The following CAMTA1 variants were observed in gnomAD, a reference collection of about 807,000 sequenced individuals.
CAMTA1 encodes calmodulin-binding transcription activator 1.
In CAMTA1, 27 loss-of-function variants were observed where a neutral mutation model predicts 170.9. The ratio of observed to expected loss-of-function variants is 0.16; its 90% CI spans 0.12 to 0.22. The LOEUF (loss-of-function observed/expected upper bound fraction) is 0.22, where lower values mean the gene tolerates loss of function less well. Ranked by LOEUF, CAMTA1 falls within the 10% of genes least tolerant of loss-of-function variation. The probability of loss-of-function intolerance (pLI) is 1.00; values close to 1 mark genes in which losing one functional copy is unlikely to be tolerated. For missense variants in CAMTA1, 1,619 were observed against 2,217.2 expected (o/e 0.73, Z 5.42); for synonymous variants, 833 against 891.5 (o/e 0.93, Z 1.17).
intron 4 of CAMTA1, among the ~76,000 whole-genome samples, chr1:7,181,061 A>G (rs1221012710): frequency 6.6e-6 from 1 of 152,190 alleles, no homozygotes; most frequent in African/African-American, 2.4e-5. Flanking sequence ...CCATGACCAA[A>G]TGGTGTCTTT....
intron 3 of CAMTA1, among the ~76,000 whole-genome samples, chr1:6,909,843 T>A (rs1231410752): frequency 1.3e-5 from 2 of 152,222 alleles, no homozygotes; most frequent in African/African-American, 4.8e-5. Flanking sequence ...CAGGCTCAGC[T>A]CTAAGCAAGG....
chr1:7,107,445 G>A (rs1181636322), intron 4 of CAMTA1, among the ~76,000 whole-genome samples: 1 of 152,102 alleles, frequency 6.6e-6, no homozygotes, highest in Non-Finnish European at 1.5e-5. Context: ...GGTGGGGAAC[G>A]GCATGCCCTG....
chr1:7,281,505 T>C (rs1574409393), intron 5 of CAMTA1, among the ~76,000 whole-genome samples: 1 of 152,222 alleles, frequency 6.6e-6, no homozygotes, highest in East Asian at 1.9e-4. Context: ...AGCAGCAAAG[T>C]AGGAAAACAA....
Position 7,463,683 on chromosome 1 carries a change from T to C in CAMTA1, c.439-4147T>C, listed in dbSNP as rs1396594119. 1.3e-5 allele frequency among the ~76,000 whole-genome samples: 2 copies of C among 149,324 alleles called. No homozygotes were observed. The highest frequency in any genetic ancestry group is 5.0e-5 in the African/African-American group (2 of 40,398). On this transcript the variant is annotated intron_variant, in intron 5 of 22. Coordinates refer to ENST00000303635, the MANE Select transcript of CAMTA1 (RefSeq NM_015215.4). This position sits in a 1 kb window ranked among gnomAD's most constrained non-coding sequence, Gnocchi z 4.7. ...GGAAGAGAGAAACAGATGGTGGGAG[T>C]AGGTGGGGGCAGAAATCTGCTGCGT...
chr1:7,331,567 G>A (rs1437686797), intron 5 of CAMTA1, among the ~76,000 whole-genome samples: 2 of 152,174 alleles, frequency 1.3e-5, no homozygotes, highest in South Asian at 2.1e-4. Flanking sequence ...ATCCAGTGGC[G>A]TCTGGAAAAT....
intron 5 of CAMTA1, among the ~76,000 whole-genome samples, chr1:7,316,037 AG>A (rs1246587388): frequency 2.0e-5 from 3 of 152,236 alleles, no homozygotes; most frequent in African/African-American, 7.2e-5. Flanking sequence ...ACATGGTGGC[AG>A]GAGAGAGAAG....
At chr1:6,802,592 A>G (rs758589837) in intron 1 of CAMTA1, among the ~76,000 whole-genome samples, 1 of 152,230 alleles carries the variant, frequency 6.6e-6, no homozygotes, top group African/African-American at 2.4e-5. Flanking sequence ...TTATGTTCAG[A>G]TGCTATAGAG....
intron 3 of CAMTA1, among the ~76,000 whole-genome samples, chr1:7,024,389 A>G (rs1701778388): frequency 6.6e-6 from 1 of 152,252 alleles, no homozygotes; most frequent in African/African-American, 2.4e-5. Flanking sequence ...GAAAACAGCG[A>G]CAGTGAGACC....
intron 4 of CAMTA1, among the ~76,000 whole-genome samples, chr1:7,135,481 C>G (rs1327058276): frequency 6.6e-6 from 1 of 152,136 alleles, no homozygotes; most frequent in African/African-American, 2.4e-5. Flanking sequence ...GGTAGGGATG[C>G]AAATTAGTTC....
chr1:7,472,709 T>G (rs1335421646), intron 6 of CAMTA1, among the ~76,000 whole-genome samples: 3 of 152,128 alleles, frequency 2.0e-5, no homozygotes, highest in Admixed American at 2.0e-4. Flanking sequence ...TTGCCAGCCC[T>G]GGGTCCCCCT....
intron 5 of CAMTA1, chr1:7,370,168 A>G (rs1395455785): frequency 1.3e-5 from 2 of 152,392 alleles, no homozygotes; most frequent in Admixed American, 1.3e-4. Flanking sequence ...GGTCCACCCA[A>G]CAACAGCAGC....
intron 22 of CAMTA1, among the ~76,000 whole-genome samples, chr1:7,765,017 T>A (rs2097008344): frequency 6.6e-6 from 1 of 152,132 alleles, no homozygotes; most frequent in Non-Finnish European, 1.5e-5. Context: ...GAGAGCCTCT[T>A]AGAGAATCAG....
At chr1:7,611,611 C>T (rs538546344) in intron 6 of CAMTA1, among the ~76,000 whole-genome samples, 1 of 152,208 alleles carries the variant, frequency 6.6e-6, no homozygotes, top group South Asian at 2.1e-4. Flanking sequence ...TGCTGGGGGG[C>T]CAAGCTTGCC....
chr1:6,860,171 C>G (rs1664122620), intron 3 of CAMTA1, among the ~76,000 whole-genome samples: 1 of 152,036 alleles, frequency 6.6e-6, no homozygotes, highest in African/African-American at 2.4e-5. Flanking sequence ...TCATTATGTC[C>G]TCATGCCAAT....
Position 7,741,254 on chromosome 1 carries a change from A to G in CAMTA1, c.4182+2772A>G, listed in dbSNP as rs188539592. 5.1e-4 allele frequency among the ~76,000 whole-genome samples: 77 copies of G among 152,254 alleles called. No individual in the cohort carries two copies. The Middle Eastern group carries it at 0.01, about 20-fold the overall frequency. Reference sequence around the variant, plus strand: ...TGATATAGATAGATGTGCGCTGGATAGGCTGAAATATGCTAGTTAGAAATG... The same window carrying G: ...TGATATAGATAGATGTGCGCTGGATGGGCTGAAATATGCTAGTTAGAAATG... On this transcript the variant is annotated intron_variant, in intron 16 of 22. Transcript: ENST00000303635.
At chr1:7,636,653 G>A (rs1291427634) in intron 6 of CAMTA1, among the ~76,000 whole-genome samples, 1 of 151,662 alleles carries the variant, frequency 6.6e-6, no homozygotes, top group East Asian at 2.0e-4. Flanking sequence ...AGGTTGCAGT[G>A]AGCCGAGATC....
intron 3 of CAMTA1, among the ~76,000 whole-genome samples, chr1:6,942,986 G>A (rs1686914311): frequency 6.6e-6 from 1 of 152,204 alleles, no homozygotes; most frequent in East Asian, 1.9e-4. Flanking sequence ...AGAGGCCCCG[G>A]CTCCAGCTTC....
chr1:7,024,105 G>A (rs1275743842), intron 3 of CAMTA1, among the ~76,000 whole-genome samples: 1 of 151,778 alleles, frequency 6.6e-6, no homozygotes. Flanking sequence ...GAGATCCACC[G>A]AACTGTGGTT....
chr1:7,548,547 G>C (rs865914325), intron 6 of CAMTA1, among the ~76,000 whole-genome samples: 1 of 124,354 alleles, frequency 8.0e-6, no homozygotes, highest in Non-Finnish European at 1.7e-5. Context: ...GGAGGTGCCC[G>C]TGCAGGGTGC....
Sources: allele counts gnomAD v4.1 joint callset (sites outside exome capture counted in the v4.1 genomes callset), GRCh38; gene constraint gnomAD v4.1.1; non-coding constraint Gnocchi (gnomAD v3.1); transcripts MANE v1.5; gene names NCBI Gene and HGNC (gene_info 2026-07-23, HGNC 2026-07-21).